Variants in ROBO1 observed in about 807,000 individuals in gnomAD.
The protein encoded by ROBO1 is roundabout homolog 1.
In ROBO1, 149 loss-of-function variants were observed where a neutral mutation model predicts 195.9. That is an observed-to-expected ratio of 0.76 (90% CI 0.67 to 0.87). The LOEUF (loss-of-function observed/expected upper bound fraction) is 0.87. Among genes scored for constraint, ROBO1 ranks in the 40% least tolerant of loss-of-function variants. ROBO1 has a pLI of 0.00. For synonymous variants in ROBO1, 816 were observed against 733.2 expected, an observed-to-expected ratio of 1.11 and a Z score of -1.82; for missense variants, 1,933 against 2,068.3, an observed-to-expected ratio of 0.93 and a Z score of 1.27.
At chr3:78,750,574 A>C (rs1436262472) in intron 4 of ROBO1, among the ~76,000 whole-genome samples, 3 of 152,074 alleles carry the variant, frequency 2.0e-5, no homozygotes, top group African/African-American at 4.8e-5. Flanking sequence ...AAAACTTTAC[A>C]TCAATTTTAA....
intron 3 of ROBO1, among the ~76,000 whole-genome samples, chr3:79,079,344 T>G (rs68030029): frequency 0.22 from 34,051 of 151,652 alleles, 4,097 homozygotes; most frequent in South Asian, 0.29. Context: ...AGACATAAAG[T>G]TATTGAATTT....
At chr3:78,849,858 A>ACG (rs2033935683) in intron 4 of ROBO1, among the ~76,000 whole-genome samples, 2 of 151,840 alleles carry the variant, frequency 1.3e-5, no homozygotes, top group African/African-American at 4.8e-5. Flanking sequence ...ACACACACAC[A>ACG]CACACACACA....
At chr3:78,804,412 T>C (rs2084466612) in intron 4 of ROBO1, among the ~76,000 whole-genome samples, 1 of 152,108 alleles carries the variant, frequency 6.6e-6, no homozygotes, top group African/African-American at 2.4e-5. Context: ...TTTGTTCCAC[T>C]AAAACATCTT....
chr3:78,950,472 G>A (rs1404334410), intron 3 of ROBO1, among the ~76,000 whole-genome samples: 3 of 134,834 alleles, frequency 2.2e-5, no homozygotes, highest in East Asian at 2.2e-4. Context: ...GAGAACACAC[G>A]GACACAGGAA....
intron 2 of ROBO1, among the ~76,000 whole-genome samples, chr3:79,366,105 A>T (rs2035968565): frequency 6.6e-6 from 1 of 152,054 alleles, no homozygotes; most frequent in Non-Finnish European, 1.5e-5. Flanking sequence ...TAGTCTTAGT[A>T]TTAAGACTTA....
intron 3 of ROBO1, among the ~76,000 whole-genome samples, chr3:79,056,645 G>A (rs537115459): frequency 1.3e-5 from 2 of 152,176 alleles, no homozygotes; most frequent in Admixed American, 1.3e-4. Flanking sequence ...CTATGCTGCA[G>A]GGAGATTCCA....
intron 2 of ROBO1, among the ~76,000 whole-genome samples, chr3:79,394,177 G>T (rs2037054954): frequency 6.6e-6 from 1 of 151,852 alleles, no homozygotes; most frequent in Admixed American, 6.6e-5. Context: ...GCACATAAGA[G>T]AAATTTTCAG....
intron 2 of ROBO1, among the ~76,000 whole-genome samples, chr3:79,270,931 A>AAT (rs1283383145): frequency 6.6e-6 from 1 of 151,980 alleles, no homozygotes; most frequent in Admixed American, 6.6e-5. Flanking sequence ...GAAATAATAT[A>AAT]ATAGCAAAGA....
intron 1 of ROBO1, among the ~76,000 whole-genome samples, chr3:79,682,841 G>C (rs1186719254): frequency 6.6e-6 from 1 of 152,020 alleles, no homozygotes; most frequent in Admixed American, 6.6e-5. Context: ...AAGTTAGCCA[G>C]TAGAAGAGGT....
At chr3:78,934,941 C>T (rs1026649660) in intron 4 of ROBO1, among the ~76,000 whole-genome samples, 3 of 151,942 alleles carry the variant, frequency 2.0e-5, no homozygotes, top group African/African-American at 7.2e-5. Context: ...TTCTATTGTA[C>T]CTAGGTAAAC....
At chr3:79,056,795 C>T (rs758148707) in intron 3 of ROBO1, among the ~76,000 whole-genome samples, 3 of 151,972 alleles carry the variant, frequency 2.0e-5, no homozygotes, top group African/African-American at 4.8e-5. Context: ...CATTGCACTC[C>T]CCTACTGGGA....
At chr3:78,958,360 T>C (rs2041151474) in intron 3 of ROBO1, among the ~76,000 whole-genome samples, 2 of 152,230 alleles carry the variant, frequency 1.3e-5, no homozygotes, top group Admixed American at 6.5e-5. Flanking sequence ...ATTTGTTAAT[T>C]CTCAAAATAA....
At chr3:79,749,719 CCTACA>C (rs1428573291) in intron 1 of ROBO1, among the ~76,000 whole-genome samples, 1 of 152,172 alleles carries the variant, frequency 6.6e-6, no homozygotes, top group Non-Finnish European at 1.5e-5. Flanking sequence ...TGGTGTTGAA[CCTACA>C]AGTGCACAGA....
intron 21 of ROBO1, among the ~76,000 whole-genome samples, chr3:78,640,745 C>A (rs1310719265): frequency 1.3e-5 from 2 of 152,094 alleles, no homozygotes; most frequent in Admixed American, 1.3e-4. Context: ...CCTTTTCCAG[C>A]ACCGACTTCA....
At chr3:79,037,904 A>T (rs1163492998) in intron 3 of ROBO1, among the ~76,000 whole-genome samples, 1 of 152,208 alleles carries the variant, frequency 6.6e-6, no homozygotes, top group Non-Finnish European at 1.5e-5. Context: ...CTCAAAGAGG[A>T]TAGTTCTTTT....
rs1355887179 is a variant in ROBO1 at position 79,564,443 on chromosome 3, T to A, written c.88+25381A>T. Among the ~76,000 whole-genome samples the A allele has an allele frequency of 2.0e-5, 3 of 152,106 alleles. No homozygotes were observed. In the East Asian group the frequency reaches 5.8e-4, roughly 30 times the overall value. On this transcript the variant is annotated intron_variant, in intron 2 of 30. Transcript: ENST00000464233. ...TGGTTTCATAAATAAACTTGAGAGG[T>A]CATTTCCACCATAAATTTCTGTTTG...
chr3:78,695,028 C>T (rs544696366), intron 8 of ROBO1, among the ~76,000 whole-genome samples: 5 of 146,502 alleles, frequency 3.4e-5, no homozygotes, highest in African/African-American at 1.3e-4. Context: ...TTAATGCACC[C>T]TTTTCTTGCT....
intron 2 of ROBO1, among the ~76,000 whole-genome samples, chr3:79,141,498 T>C (rs1422896564): frequency 1.3e-5 from 2 of 151,940 alleles, no homozygotes; most frequent in African/African-American, 4.8e-5. Flanking sequence ...AGTCGAGGCT[T>C]ACCCCCGATT....
At chr3:79,688,721 C>T (rs1005074684) in intron 1 of ROBO1, among the ~76,000 whole-genome samples, 23 of 151,914 alleles carry the variant, frequency 1.5e-4, no homozygotes, top group Admixed American at 6.6e-5. Flanking sequence ...TCAAAACTAT[C>T]GCCTGTTTTG....
Sources: gnomAD v4.1 joint callset for allele counts (sites outside exome capture counted in the v4.1 genomes callset) on GRCh38, gnomAD v4.1.1 for gene constraint, MANE v1.5 for transcripts, NCBI Gene and HGNC (gene_info 2026-07-23, HGNC 2026-07-21) for gene names.